The following LGR6 variants were observed in gnomAD, a reference collection of about 807,000 sequenced individuals.
LGR6 encodes the protein leucine rich repeat containing G protein-coupled receptor 6.
Under a neutral mutation model 69.4 loss-of-function variants are expected in LGR6, and 45 were observed. That is an observed-to-expected ratio of 0.65 (90% CI 0.51 to 0.83). LGR6 has a LOEUF of 0.83. Ranked by LOEUF, LGR6 falls within the 40% of genes least tolerant of loss-of-function variation. The pLI is 0.00. For synonymous variants in LGR6, 538 were observed against 555.0 expected, an observed-to-expected ratio of 0.97 and a Z score of 0.43; for missense variants, 1,108 against 1,246.7, an observed-to-expected ratio of 0.89 and a Z score of 1.68.
intron 16 of LGR6, among the ~76,000 whole-genome samples, chr1:202,312,222 T>C (rs1653800451): frequency 6.6e-6 from 1 of 152,262 alleles, no homozygotes; most frequent in Admixed American, 6.5e-5. Flanking sequence ...TCCAGCCAGA[T>C]TCGATTTCCT....
rs777171286 is a variant in LGR6, at chr1:202,319,023, C to T, written c.2720C>T (p.Pro907Leu). 1 of 1,614,128 alleles carries T rather than the reference C, an allele frequency of 6.2e-7. No individual in the cohort carries two copies. Among genetic ancestry groups the T allele is most frequent in the South Asian group, 1.1e-5 (1 of 91,080 alleles). The change falls in exon 18 of 18, where the codon CCA (proline) becomes CTA (leucine). Residue 907 changes from proline to leucine, a missense_variant. By Grantham distance (98) the Pro-to-Leu change is moderately conservative. Transcript: ENST00000367278. ...GTGACCCTCATCTCCTGTCAGCAGC[C>T]AGGGGCCCCCAGGCTGGAGGGCAGC... The part of the protein sequence containing the change: ...PSVTLISCQQ[P>L]GAPRLEGSHC...
chr1:202,299,418 A>G (rs1667412938), intron 7 of LGR6, among the ~76,000 whole-genome samples: 1 of 152,168 alleles, frequency 6.6e-6, no homozygotes, highest in African/African-American at 2.4e-5. Context: ...GTGCAAAAGC[A>G]TTGAGCCGGG....
At chr1:202,241,679 A>G (rs1284303150) in intron 4 of LGR6, among the ~76,000 whole-genome samples, 1 of 150,254 alleles carries the variant, frequency 6.7e-6, no homozygotes, top group African/African-American at 2.4e-5. Context: ...GAGGCAGGGC[A>G]AGGGGGAAAC....
At chr1:202,208,781 G>A (rs17436339) in intron 1 of LGR6, among the ~76,000 whole-genome samples, 6,628 of 152,228 alleles carry the variant, frequency 0.044, 208 homozygotes, top group Admixed American at 0.058. Flanking sequence ...GCATGGGGGC[G>A]CAAAGGCACC....
At chr1:202,197,230 G>T (rs769739659) in intron 1 of LGR6, 16 of 435,012 alleles carry the variant, frequency 3.7e-5, no homozygotes, top group Non-Finnish European at 6.1e-5. Context: ...CTTTCATGAG[G>T]TAGGTGCTTC....
chr1:202,305,404 C>G (rs184864262), intron 11 of LGR6, among the ~76,000 whole-genome samples: 4 of 152,174 alleles, frequency 2.6e-5, no homozygotes, highest in Non-Finnish European at 4.4e-5. Flanking sequence ...CTCTCCCTGA[C>G]TCTTTGCCTG....
At chr1:202,195,832 C>T (rs2361433) in intron 1 of LGR6, among the ~76,000 whole-genome samples, 2 of 152,222 alleles carry the variant, frequency 1.3e-5, no homozygotes, top group Admixed American at 6.5e-5. Flanking sequence ...CCTTTCCCAG[C>T]ATTAAGTCTT....
intron 4 of LGR6, among the ~76,000 whole-genome samples, chr1:202,259,720 C>G (rs191930384): frequency 1.3e-5 from 2 of 152,158 alleles, no homozygotes; most frequent in East Asian, 3.9e-4. Context: ...CTCCCTCTCT[C>G]TTTTAGGTAC....
At chr1:202,291,593 A>G (rs1157490773) in intron 6 of LGR6, among the ~76,000 whole-genome samples, 1 of 152,156 alleles carries the variant, frequency 6.6e-6, no homozygotes, top group Non-Finnish European at 1.5e-5. Context: ...ATGCTTCCCA[A>G]CCTCAGCAAG....
chr1:202,301,135 A>G (rs1033452644), intron 8 of LGR6, 29 bp from the exon 9 acceptor site: 1 of 1,609,254 alleles, frequency 6.2e-7, no homozygotes, highest in Non-Finnish European at 8.5e-7. Flanking sequence ...TGAAAAACCC[A>G]ATTAGGTGTT....
intron 4 of LGR6, among the ~76,000 whole-genome samples, chr1:202,275,487 T>G (rs1665474467): frequency 6.6e-6 from 1 of 152,124 alleles, no homozygotes; most frequent in African/African-American, 2.4e-5. Context: ...AATCCTCATA[T>G]CACCCTAGAA....
At chr1:202,278,388 A>G (rs1396292893) in intron 5 of LGR6, among the ~76,000 whole-genome samples, 4 of 152,130 alleles carry the variant, frequency 2.6e-5, no homozygotes, top group African/African-American at 9.7e-5. Flanking sequence ...GAATTGGCCT[A>G]TAAGTCAGGC....
chr1:202,210,155 A>C (rs974852425), intron 1 of LGR6, among the ~76,000 whole-genome samples: 1 of 152,110 alleles, frequency 6.6e-6, no homozygotes, highest in Non-Finnish European at 1.5e-5. Flanking sequence ...CTAATCCCTC[A>C]ACTCTGGGGG....
Position 202,318,555 on chromosome 1 carries a change from A to G in LGR6, c.2252A>G (p.Tyr751Cys). ...SFCFLVVAGA[Y>C]IKLYCDLPRG... ...TGTTTCCTGGTCGTGGCCGGTGCCT[A>G]CATCAAACTGTACTGTGACCTGCCG... The change falls in exon 18 of 18, where the codon TAC (tyrosine) becomes TGC (cysteine). Residue 751 changes from tyrosine to cysteine, a missense_variant. By Grantham distance (194) the Tyr-to-Cys change is radical (BLOSUM62 -2). Coordinates refer to ENST00000367278, the MANE Select transcript of LGR6 (RefSeq NM_001017403.2). 1 of 1,614,036 alleles carries G rather than the reference A, an allele frequency of 6.2e-7. No individual in the cohort carries two copies. The highest frequency in any genetic ancestry group is 8.5e-7 in the Non-Finnish European group (1 of 1,179,980).
chr1:202,252,673 G>T (rs1041869076), intron 4 of LGR6, among the ~76,000 whole-genome samples: 1 of 152,238 alleles, frequency 6.6e-6, no homozygotes, highest in African/African-American at 2.4e-5. Flanking sequence ...TTTAGGTACT[G>T]CCCAGAAATC....
chr1:202,232,522 A>G (rs1349663669), intron 3 of LGR6, among the ~76,000 whole-genome samples: 1 of 152,016 alleles, frequency 6.6e-6, no homozygotes, highest in Non-Finnish European at 1.5e-5. Context: ...GGGCATTGGG[A>G]TTTTAAAAAT....
chr1:202,292,145 A>G (rs1051528703), intron 6 of LGR6, among the ~76,000 whole-genome samples: 7 of 152,360 alleles, frequency 4.6e-5, no homozygotes, highest in Admixed American at 1.3e-4. Context: ...GGGATTAGTT[A>G]AGGGCATCGG....
intron 4 of LGR6, among the ~76,000 whole-genome samples, chr1:202,271,238 T>C (rs1462807071): frequency 1.3e-5 from 2 of 152,150 alleles, no homozygotes; most frequent in Non-Finnish European, 2.9e-5. Context: ...AGGATTCTGC[T>C]GGCGGCTCGG....
intron 6 of LGR6, among the ~76,000 whole-genome samples, chr1:202,295,007 C>T (rs192022333): frequency 1.3e-5 from 2 of 152,236 alleles, no homozygotes; most frequent in East Asian, 3.9e-4. Context: ...CAATGCAATA[C>T]TTTGCGTTTG....
Sources: gnomAD v4.1 joint callset for allele counts (sites outside exome capture counted in the v4.1 genomes callset) on GRCh38, gnomAD v4.1.1 for gene constraint, MANE v1.5 for transcripts, NCBI Gene and HGNC (gene_info 2026-07-23, HGNC 2026-07-21) for gene names.